AGAP3: variants seen among roughly 807,000 people sequenced by gnomAD.
The protein encoded by AGAP3 is ArfGAP with GTPase domain, ankyrin repeat and PH domain 3.
Under a neutral mutation model 96.9 loss-of-function variants are expected in AGAP3, and 24 were observed. The ratio of observed to expected loss-of-function variants is 0.25; its 90% CI spans 0.18 to 0.35. The LOEUF (loss-of-function observed/expected upper bound fraction) is 0.35, where lower values mean the gene tolerates loss of function less well. AGAP3 is among the 10% of genes least tolerant of loss of function. The pLI, the probability that AGAP3 is intolerant of heterozygous loss-of-function variation, is 1.00. For synonymous variants in AGAP3, 563 were observed against 536.1 expected (o/e 1.05, Z -0.69); for missense variants, 876 against 1,254.2 (o/e 0.70, Z 4.55).
At chr7:151,135,363 C>T (rs968872295) in intron 11 of AGAP3, among the ~76,000 whole-genome samples, 10 of 152,196 alleles carry the variant, frequency 6.6e-5, no homozygotes, top group East Asian at 3.9e-4. Flanking sequence ...CAGCAGTCAG[C>T]GCTTGGCAGC....
intron 11 of AGAP3, among the ~76,000 whole-genome samples, chr7:151,135,825 C>T (rs1368728330): frequency 1.3e-5 from 2 of 152,198 alleles, no homozygotes; most frequent in African/African-American, 2.4e-5. Flanking sequence ...AGAGGCTTGG[C>T]ATAGCTAACA....
rs1051543641 is a variant in AGAP3, at chr7:151,116,708, G to T, written c.332-85G>T. 6.7e-6 allele frequency: 10 copies of T among 1,494,600 alleles called. No individual in the cohort carries two copies. The Admixed American group carries it at 1.5e-4, about 23-fold the overall frequency. The allele number at this position is 1,494,600 out of a possible 1,614,324, so 92.6% of individuals were successfully genotyped here. On this transcript the variant is annotated intron_variant, in intron 1 of 17. Transcript: ENST00000397238. ...TGTCCTCTGGCCTGGGCTTGGGGAG[G>T]GCATCATAGGTGACACAGGCAGCAG...
At chr7:151,093,157 T>C (rs558251901) in intron 1 of AGAP3, among the ~76,000 whole-genome samples, 1 of 152,312 alleles carries the variant, frequency 6.6e-6, no homozygotes, top group Admixed American at 6.5e-5. Flanking sequence ...ATATATATTT[T>C]TGGAGACAGG....
intron 10 of AGAP3, among the ~76,000 whole-genome samples, chr7:151,132,323 G>A (rs1051630476): frequency 2.6e-5 from 4 of 152,210 alleles, no homozygotes; most frequent in Non-Finnish European, 4.4e-5. Flanking sequence ...CGGTTATGTC[G>A]TTCTGTGGTT....
Position 151,127,648 on chromosome 7 carries a change from C to T in AGAP3, c.1222-932C>T, listed in dbSNP as rs1972754. Among the ~76,000 whole-genome samples the T allele has an allele frequency of 0.012, 1,870 of 152,262 alleles. 188 individuals carry two copies. The East Asian group carries it at 0.27, about 22-fold the overall frequency. ...GCGCTCCCTGGTCCTGAATGACCCCCGCCTCCCATTCCCAGCTGTTGCCTT... is the reference window on the plus strand; with the variant it reads ...GCGCTCCCTGGTCCTGAATGACCCCTGCCTCCCATTCCCAGCTGTTGCCTT... On this transcript the variant is annotated intron_variant, in intron 9 of 17. Coordinates refer to ENST00000397238, the MANE Select transcript of AGAP3 (RefSeq NM_031946.7).
At chr7:151,119,549 G>A (rs756428977) in intron 7 of AGAP3, among the ~76,000 whole-genome samples, 8 of 152,200 alleles carry the variant, frequency 5.3e-5, no homozygotes, top group Admixed American at 2.6e-4. Context: ...GGCCACCTCC[G>A]GCTCCCGCCT....
At chr7:151,123,124 G>C (rs1476160886) in intron 8 of AGAP3, 5 of 1,113,288 alleles carry the variant, frequency 4.5e-6, no homozygotes, top group Non-Finnish European at 5.5e-6. Flanking sequence ...CCTGGGGGGC[G>C]CTTTCCTGCC....
In AGAP3 at chr7:151,118,329, C is replaced by T; in HGVS notation, c.826C>T (p.Arg276Cys). 2.5e-6 allele frequency: 4 copies of T among 1,611,770 alleles called. No homozygotes were observed. Among genetic ancestry groups the T allele is most frequent in the East Asian group, 2.2e-5 (1 of 44,778 alleles). ...TCATYGLNVE[R>C]VFQDVAQKVV... ...CGCGACCTACGGGCTCAATGTGGAG[C>T]GTGTCTTCCAGGACGGTAACTCGGG... The change falls in exon 6 of 18, where the codon CGT becomes TGT. Residue 276 changes from arginine (R) to cysteine (C), a missense_variant. Coordinates refer to ENST00000397238, the MANE Select transcript of AGAP3 (RefSeq NM_031946.7). This position sits in a 1 kb window ranked among gnomAD's most constrained non-coding sequence, Gnocchi z 6.1.
chr7:151,114,726 C>T lies in AGAP3; in HGVS notation c.332-2067C>T. On this transcript the variant is annotated intron_variant, in intron 1 of 17. Transcript: ENST00000397238. This position sits in a 1 kb window ranked among gnomAD's most constrained non-coding sequence, Gnocchi z 4.4. ...CGCGGCCCCGGCCCGGGCCCAGCCC[C>T]GTGCCCCTCGCCATGGGCCTGGCCC... 1 of 1,006,660 alleles carries T rather than the reference C, an allele frequency of 9.9e-7. No individual in the cohort carries two copies. The highest frequency in any genetic ancestry group is 1.2e-6 in the Non-Finnish European group (1 of 845,058). The allele number at this position is 1,006,660 out of a possible 1,614,324, so 62.4% of individuals were successfully genotyped here.
intron 1 of AGAP3, among the ~76,000 whole-genome samples, chr7:151,103,583 A>C (rs1376386039): frequency 6.6e-6 from 1 of 152,184 alleles, no homozygotes; most frequent in Non-Finnish European, 1.5e-5. Flanking sequence ...ACACACTGAC[A>C]CATCTTCCCA....
intron 1 of AGAP3, chr7:151,115,106 C>G: frequency 9.7e-7 from 1 of 1,031,680 alleles, no homozygotes; most frequent in South Asian, 3.4e-5. Context: ...CCCGGCGCAG[C>G]CGCACCCGCG....
chr7:151,143,324 T>C lies in AGAP3; in HGVS notation c.2274-17T>C. 1.3e-6 allele frequency: 2 copies of C among 1,598,390 alleles called. No individual in the cohort carries two copies. Among genetic ancestry groups the C allele is most frequent in the Non-Finnish European group, 1.7e-6 (2 of 1,170,116 alleles). The stretch of plus-strand genomic sequence containing the variant: ...TGACCTTCCTTGGCTCATGCCCTGA[T>C]GGGCCTGTGGTTGCAGAGAGGAGAA... On this transcript the variant is annotated splice_polypyrimidine_tract_variant and intron_variant, in intron 16 of 17. Transcript: ENST00000397238. This position sits in a 1 kb window ranked among gnomAD's most constrained non-coding sequence, Gnocchi z 5.9.
In AGAP3 at chr7:151,133,924, A is replaced by C. The variant is rs1490414284; in HGVS notation, c.1327-476A>C. ...AACTGTTTGACAAGTGTTTATTATC[A>C]GACACTGTCCTAAGGGCTGGGACTA... On this transcript the variant is annotated intron_variant, in intron 10 of 17. Transcript: ENST00000397238. This position sits in a 1 kb window ranked among gnomAD's most constrained non-coding sequence, Gnocchi z 5.4. Among the ~76,000 whole-genome samples the C allele has an allele frequency of 6.6e-6, 1 of 152,176 alleles. No homozygotes were observed. The highest frequency in any genetic ancestry group is 1.5e-5 in the Non-Finnish European group (1 of 68,020).
chr7:151,089,670 G>A (rs1044916682), intron 1 of AGAP3: 1 of 152,240 alleles, frequency 6.6e-6, no homozygotes, highest in Non-Finnish European at 1.5e-5. Flanking sequence ...GGAAGCAGGG[G>A]ATGTTTGGCT....
chr7:151,142,372 C>T lies in AGAP3; in HGVS notation c.2051-40C>T, dbSNP rs370991943. 2 of 1,602,822 alleles carry T rather than the reference C, an allele frequency of 1.2e-6. No homozygotes were observed. The highest frequency in any genetic ancestry group is 1.7e-5 in the Admixed American group (1 of 59,878). On this transcript the variant is annotated intron_variant, in intron 15 of 17. Coordinates refer to ENST00000397238, the MANE Select transcript of AGAP3 (RefSeq NM_031946.7). This position sits in a 1 kb window ranked among gnomAD's most constrained non-coding sequence, Gnocchi z 7.5. The stretch of plus-strand genomic sequence containing the variant: ...CCTAGTTGTCCCGCGCTCTGGTGGC[C>T]TGCCTGCTGTCGCTGTATCATTCTC...
intron 8 of AGAP3, chr7:151,122,828 C>T (rs760527618): frequency 6.2e-7 from 1 of 1,612,522 alleles, no homozygotes; most frequent in South Asian, 1.1e-5. Flanking sequence ...GACATGCCCC[C>T]TGTGCGGGGC....
rs79017633 is a variant in AGAP3, at chr7:151,101,962, G to A, written c.332-14831G>A. Among the ~76,000 whole-genome samples the A allele has an allele frequency of 4.0e-3, 615 of 152,304 alleles. 6 individuals carry two copies. The highest frequency in any genetic ancestry group is 0.014 in the African/African-American group (590 of 41,566). On this transcript the variant is annotated intron_variant, in intron 1 of 17. Transcript: ENST00000397238. ...GAGTTCTGAACCTGGGGGCAGTGGT[G>A]CCATGAGCCCTTCCTTCCCAGGTGA...
intron 8 of AGAP3, chr7:151,122,613 C>G (rs1170145116): frequency 1.0e-5 from 13 of 1,249,932 alleles, no homozygotes; most frequent in Non-Finnish European, 1.5e-5. Flanking sequence ...TCCTCTTCAT[C>G]CCGCTGCCGC....
chr7:151,126,815 C>A (rs1485581579), intron 9 of AGAP3, among the ~76,000 whole-genome samples: 1 of 152,088 alleles, frequency 6.6e-6, no homozygotes, highest in East Asian at 1.9e-4. Context: ...TGGAAGGTCC[C>A]CTTAGTGCCG....
Sources: allele counts gnomAD v4.1 joint callset (sites outside exome capture counted in the v4.1 genomes callset), GRCh38; gene constraint gnomAD v4.1.1; non-coding constraint Gnocchi (gnomAD v3.1); transcripts MANE v1.5; gene names NCBI Gene and HGNC (gene_info 2026-07-23, HGNC 2026-07-21).